The following SMIM19 variants were observed in gnomAD, a reference collection of about 807,000 sequenced individuals.
SMIM19 encodes small integral membrane protein 19.
Under a neutral mutation model 13.2 loss-of-function variants are expected in SMIM19, and 6 were observed. The observed-to-expected ratio is 0.45, with a 90% CI of 0.25 to 0.90. SMIM19 has a LOEUF of 0.90. Ranked by LOEUF, SMIM19 falls within the 40% of genes least tolerant of loss-of-function variation. The pLI is 0.19. For synonymous variants in SMIM19, 46 were observed against 43.1 expected (o/e 1.07, Z -0.27); for missense variants, 138 against 131.0 (o/e 1.05, Z -0.26).
chr8:42,543,397 C>G (rs1467495342), intron 1 of SMIM19, among the ~76,000 whole-genome samples: 1 of 152,146 alleles, frequency 6.6e-6, no homozygotes, highest in Non-Finnish European at 1.5e-5. Flanking sequence ...GCGGGAAAGG[C>G]CTCCCCTCTG....
rs1399188058 is a variant in SMIM19, at chr8:42,553,193, TTTAA to T, written c.*591_*594del. 1 of 152,200 alleles carries T rather than the reference TTTAA, an allele frequency of 6.6e-6. No individual in the cohort carries two copies. The allele number at this position is 152,200 out of a possible 1,614,324, so 9.4% of individuals were successfully genotyped here. On this transcript the variant is annotated 3_prime_UTR_variant, in exon 4 of 4. Transcript: ENST00000417410. ...CTCCTGAATATTCTGTTAACAGCTCTTTAATTAATGATCTTTGCTTCTTCAGAAC... is the reference window on the plus strand; with the variant it reads ...CTCCTGAATATTCTGTTAACAGCTCTTTAATGATCTTTGCTTCTTCAGAAC...
In SMIM19 at chr8:42,549,330, C is replaced by T. The variant is rs533512660; in HGVS notation, c.259+550C>T. Among the ~76,000 whole-genome samples the T allele has an allele frequency of 9.9e-5, 15 of 151,604 alleles. No homozygotes were observed. In the East Asian group the frequency reaches 2.1e-3, roughly 22 times the overall value. On this transcript the variant is annotated intron_variant, in intron 3 of 3. Transcript: ENST00000417410. ...GGGAGGCAGAGGCAGGAGAATCGCT[C>T]GAACCTGGGAGGCAGAGGTTTCAGT...
upstream of SMIM19, chr8:42,541,183 G>T (rs1380637767): frequency 6.6e-6 from 1 of 152,148 alleles, no homozygotes; most frequent in Non-Finnish European, 1.5e-5. Flanking sequence ...GGAGCAGGAG[G>T]CGCCCGGCAC....
At chr8:42,551,618 T>C (rs1813678035) in intron 3 of SMIM19, among the ~76,000 whole-genome samples, 2 of 151,944 alleles carry the variant, frequency 1.3e-5, no homozygotes, top group Non-Finnish European at 2.9e-5. Context: ...AAATGACAGG[T>C]AATAAAGGAA....
chr8:42,551,585 CATT>C (rs970015201), intron 3 of SMIM19, among the ~76,000 whole-genome samples: 1 of 152,066 alleles, frequency 6.6e-6, no homozygotes, highest in African/African-American at 2.4e-5. Context: ...TGGACAAAAG[CATT>C]ATTATTAACT....
In SMIM19 at chr8:42,548,785, G is replaced by A. The variant is rs1248530273; in HGVS notation, c.259+5G>A. 2 of 1,612,054 alleles carry A rather than the reference G, an allele frequency of 1.2e-6. No homozygotes were observed. Among genetic ancestry groups the A allele is most frequent in the Non-Finnish European group, 1.7e-6 (2 of 1,179,206 alleles). On this transcript the variant is annotated splice_donor_5th_base_variant and intron_variant, in intron 3 of 3. Transcript: ENST00000417410. ...AACTGGAAATGTATTCCATTTGTAAGTATATTCTGTGCTGAAAGATACACA... is the reference window on the plus strand; with the variant it reads ...AACTGGAAATGTATTCCATTTGTAAATATATTCTGTGCTGAAAGATACACA...
At position 42,552,555 on chromosome 8, in the gene SMIM19, G is replaced by A. The variant is rs370913111; in HGVS notation, c.271G>A (p.Asp91Asn). The change falls in exon 4 of 4, where the codon GAC becomes AAC. Residue 91 changes from aspartate to asparagine, a missense_variant. By Grantham distance (23) the Asp-to-Asn change is conservative (BLOSUM62 1). Transcript: ENST00000417410. ...LEMYSISRKY[D>N]YQQPQNQADS... ...CTTGTTGTGAATAGCAAGAAAGTAC[G>A]ACTATCAGCAGCCACAAAACCAAGC... The A allele has an allele frequency of 5.0e-5, 81 of 1,613,830 alleles. 1 individual carries two copies. In the South Asian group the frequency reaches 6.2e-4, roughly 12 times the overall value.
At chr8:42,546,384 G>A in intron 1 of SMIM19, 85 bp from the exon 2 acceptor site, 1 of 1,446,424 alleles carries the variant, frequency 6.9e-7, no homozygotes, top group Non-Finnish European at 9.1e-7. Flanking sequence ...GATTTGGCCA[G>A]CAGGCCATAT....
At chr8:42,545,779 C>G (rs1202216833) in intron 1 of SMIM19, among the ~76,000 whole-genome samples, 2 of 152,214 alleles carry the variant, frequency 1.3e-5, no homozygotes, top group African/African-American at 4.8e-5. Context: ...GATCACCCAC[C>G]TCGGCCTCCC....
chr8:42,545,588 C>T lies in SMIM19; in HGVS notation c.-4-881C>T, dbSNP rs1187457791. 3.9e-5 allele frequency among the ~76,000 whole-genome samples: 6 copies of T among 152,144 alleles called. 1 individual carries two copies. Among genetic ancestry groups the T allele is most frequent in the Non-Finnish European group, 8.8e-5 (6 of 68,028 alleles). On this transcript the variant is annotated intron_variant, in intron 1 of 3. Coordinates refer to ENST00000417410, the MANE Select transcript of SMIM19 (RefSeq NM_001135674.2). Reference sequence around the variant, plus strand: ...CTCTGTCACCCAGGCTGCATTGCAACTGCCTGACCTCCGCTCACTGTAACC... The same window carrying T: ...CTCTGTCACCCAGGCTGCATTGCAATTGCCTGACCTCCGCTCACTGTAACC...
At chr8:42,546,429 A>G (rs574815474) in intron 1 of SMIM19, 40 bp from the exon 2 acceptor site, 60 of 1,570,816 alleles carry the variant, frequency 3.8e-5, no homozygotes, top group Non-Finnish European at 5.0e-5. Flanking sequence ...TGCTACCATC[A>G]TTAATTAAAA....
Position 42,552,878 on chromosome 8 carries a change from A to G in SMIM19, c.*270A>G, listed in dbSNP as rs1414946127. The G allele has an allele frequency of 8.6e-6, 3 of 348,502 alleles. No homozygotes were observed. Among genetic ancestry groups the G allele is most frequent in the African/African-American group, 2.1e-5 (1 of 48,194 alleles). The allele number at this position is 348,502 out of a possible 1,614,324, so 21.6% of individuals were successfully genotyped here. A position where few individuals can be genotyped will look rare whatever the true frequency, so the allele number is the denominator to read the frequency against. ...AAGACCTGTGATTCCTTCAGGATAC[A>G]ATCAGTGAGAAATAAAAACACATCT... is the stretch of plus-strand genomic sequence containing the variant. On this transcript the variant is annotated 3_prime_UTR_variant, in exon 4 of 4. Transcript: ENST00000417410.
intron 1 of SMIM19, among the ~76,000 whole-genome samples, chr8:42,543,448 C>T (rs1813352025): frequency 6.6e-6 from 1 of 152,182 alleles, no homozygotes; most frequent in Non-Finnish European, 1.5e-5. Context: ...AACTCAAGTG[C>T]ATGTGCCTGG....
In SMIM19 at chr8:42,554,572, G is replaced by A. The variant is rs1156403476; in HGVS notation, c.*1964G>A. 2 of 152,168 alleles carry A rather than the reference G, an allele frequency of 1.3e-5. No homozygotes were observed. The highest frequency in any genetic ancestry group is 6.5e-5 in the Admixed American group (1 of 15,268). 9.4% of individuals were successfully genotyped at this position (152,168 alleles called of 1,614,324 possible). ...AGTGACAGGAGATGAATTCCTCTCC[G>A]TTTTTTCCTTAAAGCAAACTGATGG... On this transcript the variant is annotated 3_prime_UTR_variant, in exon 4 of 4. Coordinates refer to ENST00000417410, the MANE Select transcript of SMIM19 (RefSeq NM_001135674.2).
Position 42,554,733 on chromosome 8 carries a change from C to T in SMIM19, c.*2125C>T, listed in dbSNP as rs1813772060. ...GCGGCGCTGACTGGCTGTCCTGCTTCTACCCAACATCCACCTGAGACTCAA... is the reference window on the plus strand; with the variant it reads ...GCGGCGCTGACTGGCTGTCCTGCTTTTACCCAACATCCACCTGAGACTCAA... On this transcript the variant is annotated 3_prime_UTR_variant, in exon 4 of 4. Coordinates refer to ENST00000417410, the MANE Select transcript of SMIM19 (RefSeq NM_001135674.2). 6.6e-6 allele frequency: 1 copy of T among 152,262 alleles called. No homozygotes were observed. The highest frequency in any genetic ancestry group is 2.1e-4 in the South Asian group (1 of 4,832). 9.4% of individuals were successfully genotyped at this position (152,262 alleles called of 1,614,324 possible).
At chr8:42,546,739 C>G in intron 2 of SMIM19, 133 bp downstream of exon 2, 1 of 1,074,582 alleles carries the variant, frequency 9.3e-7, no homozygotes, top group Non-Finnish European at 1.3e-6. Context: ...AATCCCAGCA[C>G]TTTGGGAGGC....
In SMIM19 at chr8:42,541,842, C is replaced by T. The variant is rs1284836497; in HGVS notation, c.-536C>T. On this transcript the variant is annotated 5_prime_UTR_variant, in exon 1 of 4. Transcript: ENST00000417410. ...CCGCCTGCCCTCGGTCCCGTGCGGTCCCCGAAACTCCGAGCACCCGCCCGG... is the reference window on the plus strand; with the variant it reads ...CCGCCTGCCCTCGGTCCCGTGCGGTTCCCGAAACTCCGAGCACCCGCCCGG... 2.6e-5 allele frequency: 4 copies of T among 151,674 alleles called. No individual in the cohort carries two copies. Among genetic ancestry groups the T allele is most frequent in the African/African-American group, 7.3e-5 (3 of 41,378 alleles). 9.4% of individuals were successfully genotyped at this position (151,674 alleles called of 1,614,324 possible). A position where few individuals can be genotyped will look rare whatever the true frequency, so the allele number is the denominator to read the frequency against.
chr8:42,543,039 C>T (rs1813324752), intron 1 of SMIM19, among the ~76,000 whole-genome samples: 1 of 151,610 alleles, frequency 6.6e-6, no homozygotes, highest in Non-Finnish European at 1.5e-5. Context: ...AAAACCAACC[C>T]CTAGTTGTAA....
In SMIM19 at chr8:42,553,340, C is replaced by T. The variant is rs2974352; in HGVS notation, c.*732C>T. 0.63 allele frequency: 95,568 copies of T among 152,130 alleles called. 30,196 individuals are homozygous for T. Among genetic ancestry groups the T allele is most frequent in the South Asian group, 0.68 (3,296 of 4,822 alleles). 9.4% of individuals were successfully genotyped at this position (152,130 alleles called of 1,614,324 possible). The stretch of plus-strand genomic sequence containing the variant: ...CCAGGAGCGAGTTTGTTTTTATCCC[C>T]GTTTCATTTCTACCAGGTAGCTCTA... On this transcript the variant is annotated 3_prime_UTR_variant, in exon 4 of 4. Coordinates refer to ENST00000417410, the MANE Select transcript of SMIM19 (RefSeq NM_001135674.2).
Sources: allele counts gnomAD v4.1 joint callset (sites outside exome capture counted in the v4.1 genomes callset), GRCh38; gene constraint gnomAD v4.1.1; transcripts MANE v1.5; gene names NCBI Gene and HGNC (gene_info 2026-07-23, HGNC 2026-07-21).